Variants in GLO1 observed in about 807,000 individuals in gnomAD.
GLO1 encodes the protein glyoxalase I, also known as lactoylglutathione lyase.
In GLO1, 28 loss-of-function variants were observed where a neutral mutation model predicts 26.0. The ratio of observed to expected loss-of-function variants is 1.08; its 90% CI spans 0.80 to 1.48. GLO1 has a LOEUF of 1.48. Among genes scored for constraint, GLO1 ranks in the 40% most tolerant of loss-of-function variants. GLO1 has a pLI of 0.00. For synonymous variants in GLO1, 78 were observed against 77.6 expected, an observed-to-expected ratio of 1.00 and a Z score of -0.03; for missense variants, 225 against 224.8, an observed-to-expected ratio of 1.00 and a Z score of -0.01.
intron 1 of GLO1, among the ~76,000 whole-genome samples, chr6:38,688,296 T>C (rs527365950): frequency 2.6e-5 from 4 of 152,222 alleles, no homozygotes; most frequent in Middle Eastern, 3.4e-3. Flanking sequence ...ATCAAGCAGC[T>C]GAGAAAGAGA....
intron 1 of GLO1, among the ~76,000 whole-genome samples, chr6:38,693,579 T>C (rs1184168854): frequency 6.6e-6 from 1 of 151,984 alleles, no homozygotes; most frequent in Non-Finnish European, 1.5e-5. Context: ...ACTTTTCCTC[T>C]TTTATAATGT....
intron 1 of GLO1, among the ~76,000 whole-genome samples, chr6:38,696,879 C>T (rs1349173846): frequency 6.6e-6 from 1 of 151,738 alleles, no homozygotes; most frequent in Non-Finnish European, 1.5e-5. Flanking sequence ...TCTCAAATAA[C>T]TTTCAAAAGT....
intron 1 of GLO1, among the ~76,000 whole-genome samples, chr6:38,692,790 C>T (rs1372307310): frequency 1.3e-5 from 2 of 150,664 alleles, no homozygotes; most frequent in African/African-American, 4.9e-5. Context: ...CTGATATGAT[C>T]ATGTGATTCT....
Position 38,686,971 on chromosome 6 carries a change from A to T in GLO1, c.88T>A (p.Phe30Ile), listed in dbSNP as rs761785417. Residue 30 changes from phenylalanine to isoleucine, a missense_variant, in exon 2 of 6, where the codon TTT (phenylalanine) becomes ATT (isoleucine). Transcript: ENST00000373365. ...CGTAGCATGGTCTGCTGCAATAGAA[A>T]ATCCTATGGAAAAATATTTATATTA... is the stretch of plus-strand genomic sequence containing the variant. ...CSDADPSTKD[F>I]LLQQTMLRVK... 1.9e-6 allele frequency: 3 copies of T among 1,595,744 alleles called. No individual in the cohort carries two copies. Among genetic ancestry groups the T allele is most frequent in the Non-Finnish European group, 2.6e-6 (3 of 1,167,006 alleles).
chr6:38,691,338 C>T (rs548485358), intron 1 of GLO1, among the ~76,000 whole-genome samples: 55 of 151,524 alleles, frequency 3.6e-4, no homozygotes, highest in African/African-American at 1.3e-3. Context: ...GATGGAGTCT[C>T]GCTCTGTCAC....
At chr6:38,689,059 A>C (rs1055977145) in intron 1 of GLO1, among the ~76,000 whole-genome samples, 1 of 152,162 alleles carries the variant, frequency 6.6e-6, no homozygotes, top group African/African-American at 2.4e-5. Flanking sequence ...CCAGGAGTTA[A>C]AGGCAGCTGC....
intron 1 of GLO1, among the ~76,000 whole-genome samples, chr6:38,688,376 A>G (rs974941774): frequency 2.6e-5 from 4 of 152,042 alleles, no homozygotes; most frequent in Non-Finnish European, 5.9e-5. Flanking sequence ...CCTGTTGAAC[A>G]TATATAAAGT....
chr6:38,676,293 C>A lies in GLO1; in HGVS notation c.*1002G>T, dbSNP rs1761240796. 6.6e-6 allele frequency: 1 copy of A among 152,052 alleles called. No individual in the cohort carries two copies. Among genetic ancestry groups the A allele is most frequent in the African/African-American group, 2.4e-5 (1 of 41,382 alleles). The allele number at this position is 152,052 out of a possible 1,614,324, so 9.4% of individuals were successfully genotyped here. A position where few individuals can be genotyped will look rare whatever the true frequency, so the allele number is the denominator to read the frequency against. On this transcript the variant is annotated 3_prime_UTR_variant, in exon 6 of 6. Transcript: ENST00000373365. Reference sequence around the variant, plus strand: ...TATATGGCTACTGGCATCATGAAGACCTTGGGATAGGGAAGACTCTTTATG... The same window carrying A: ...TATATGGCTACTGGCATCATGAAGAACTTGGGATAGGGAAGACTCTTTATG...
intron 5 of GLO1, among the ~76,000 whole-genome samples, chr6:38,681,470 T>C (rs1761379095): frequency 6.6e-6 from 1 of 152,200 alleles, no homozygotes; most frequent in South Asian, 2.1e-4. Context: ...CAATTTTAAT[T>C]TGAAATAGTT....
rs770761893 is a variant in GLO1, at chr6:38,682,846, T to G, written c.338A>C (p.Gln113Pro). The G allele has an allele frequency of 4.4e-6, 7 of 1,606,628 alleles. No homozygotes were observed. The South Asian group carries it at 7.7e-5, about 18-fold the overall frequency. Residue 113 changes from glutamine (Q) to proline (P), a missense_variant, in exon 4 of 6, where the codon CAG (glutamine) becomes CCG (proline). Physicochemically the swap from Gln to Pro is moderately conservative, Grantham distance 76 (BLOSUM62 -1). Coordinates refer to ENST00000373365, the MANE Select transcript of GLO1 (RefSeq NM_006708.3). The stretch of plus-strand genomic sequence containing the variant: ...GTCTGAATTGCCATTGTGGTAACTC[T>G]GGGTCTCATCATCTTCAGTGCCCCA... ...HNWGTEDDET[Q>P]SYHNGNSDPR... is the part of the protein sequence containing the mutation.
chr6:38,693,901 G>A (rs1270171912), intron 1 of GLO1, among the ~76,000 whole-genome samples: 1 of 151,822 alleles, frequency 6.6e-6, no homozygotes, highest in Non-Finnish European at 1.5e-5. Context: ...TAGTAGAGAC[G>A]GGGTTTCACC....
At position 38,678,751 on chromosome 6, in the gene GLO1, C is replaced by A. The variant is rs185078333; in HGVS notation, c.467-1368G>T. On this transcript the variant is annotated intron_variant, in intron 5 of 5. Transcript: ENST00000373365. The stretch of plus-strand genomic sequence containing the variant: ...CCCAGCCCTCTCTCCACGCCCAGGG[C>A]TAGGGAATAACACTATCGGAAGTGT... Among the ~76,000 whole-genome samples, 457 of 152,284 alleles carry A rather than the reference C, an allele frequency of 3.0e-3. 2 individuals carry two copies. The highest frequency in any genetic ancestry group is 4.8e-3 in the Non-Finnish European group (324 of 68,014).
chr6:38,680,360 A>G (rs1388407713), intron 5 of GLO1, among the ~76,000 whole-genome samples: 2 of 152,144 alleles, frequency 1.3e-5, no homozygotes, highest in Non-Finnish European at 2.9e-5. Context: ...CGTCTCTACT[A>G]AAAATACAAA....
At chr6:38,695,310 CAT>C (rs891961195) in intron 1 of GLO1, among the ~76,000 whole-genome samples, 1 of 151,744 alleles carries the variant, frequency 6.6e-6, no homozygotes. Flanking sequence ...ATACATATGG[CAT>C]ATATATACAT....
At chr6:38,680,470 A>G (rs1487315800) in intron 5 of GLO1, among the ~76,000 whole-genome samples, 1 of 152,206 alleles carries the variant, frequency 6.6e-6, no homozygotes, top group Non-Finnish European at 1.5e-5. Context: ...GCGGTGAGCC[A>G]AGACCGTGCC....
At chr6:38,694,005 C>T (rs534253803) in intron 1 of GLO1, among the ~76,000 whole-genome samples, 144 of 152,264 alleles carry the variant, frequency 9.5e-4, no homozygotes, top group African/African-American at 3.4e-3. Context: ...CCACTGCACC[C>T]GGCCTCAGCT....
intron 1 of GLO1, among the ~76,000 whole-genome samples, chr6:38,695,551 G>A (rs894008475): frequency 2.0e-5 from 3 of 152,038 alleles, no homozygotes; most frequent in African/African-American, 7.3e-5. Flanking sequence ...GGTTCCTCAT[G>A]TGTCTCCATT....
At chr6:38,688,952 TAGAAG>T (rs1355357976) in intron 1 of GLO1, among the ~76,000 whole-genome samples, 1 of 152,084 alleles carries the variant, frequency 6.6e-6, no homozygotes, top group Non-Finnish European at 1.5e-5. Flanking sequence ...GCAAAGAAAG[TAGAAG>T]AGGAGTGTGG....
chr6:38,680,335 A>G (rs1761352161), intron 5 of GLO1, among the ~76,000 whole-genome samples: 1 of 152,128 alleles, frequency 6.6e-6, no homozygotes, highest in Non-Finnish European at 1.5e-5. Context: ...CAGCCTGACC[A>G]ACATGGAGAA....
Sources: gnomAD v4.1 joint callset for allele counts (sites outside exome capture counted in the v4.1 genomes callset) on GRCh38, gnomAD v4.1.1 for gene constraint, MANE v1.5 for transcripts, NCBI Gene and HGNC (gene_info 2026-07-23, HGNC 2026-07-21) for gene names.